ALDH2: variants seen among roughly 807,000 people sequenced by gnomAD.
ALDH2 encodes the protein aldehyde dehydrogenase, mitochondrial.
In ALDH2, 44 loss-of-function variants were observed where a neutral mutation model predicts 59.6. That is an observed-to-expected ratio of 0.74 (90% CI 0.58 to 0.95). The LOEUF is 0.95. Among genes scored for constraint, ALDH2 ranks in the 40% least tolerant of loss-of-function variants. The pLI, the probability that ALDH2 is intolerant of heterozygous loss-of-function variation, is 0.00. For synonymous variants in ALDH2, 291 were observed against 284.0 expected, an observed-to-expected ratio of 1.02 and a Z score of -0.25; for missense variants, 570 against 696.3, an observed-to-expected ratio of 0.82 and a Z score of 2.04.
intron 1 of ALDH2, among the ~76,000 whole-genome samples, chr12:111,767,409 A>G (rs1340721270): frequency 2.6e-5 from 4 of 152,058 alleles, no homozygotes; most frequent in Non-Finnish European, 5.9e-5. Flanking sequence ...GGGTCTCCGC[A>G]GGGTCCCCAC....
At chr12:111,791,268 AG>A (rs1407411997) in intron 6 of ALDH2, 37 bp from the exon 7 acceptor site, 1 of 1,497,312 alleles carries the variant, frequency 6.7e-7, no homozygotes, top group East Asian at 2.3e-5. Context: ...TCAGAATAGG[AG>A]GGTGACTCCC....
intron 5 of ALDH2, among the ~76,000 whole-genome samples, 178 bp downstream of exon 5, chr12:111,790,112 C>A (rs1369533857): frequency 1.3e-5 from 2 of 152,174 alleles, no homozygotes; most frequent in African/African-American, 4.8e-5. Flanking sequence ...AATTCTGTAA[C>A]CTTGGGCAAG....
chr12:111,793,276 G>T (rs1235603221), intron 9 of ALDH2, among the ~76,000 whole-genome samples: 2 of 151,790 alleles, frequency 1.3e-5, no homozygotes, highest in Non-Finnish European at 2.9e-5. Flanking sequence ...CTGGAGTGTA[G>T]TGGTGCAATC....
At chr12:111,769,591 T>C (rs2068184436) in intron 1 of ALDH2, among the ~76,000 whole-genome samples, 1 of 150,826 alleles carries the variant, frequency 6.6e-6, no homozygotes, top group Non-Finnish European at 1.5e-5. Context: ...TTTTTTAACA[T>C]AAATGAGATG....
At chr12:111,799,780 CT>C in intron 10 of ALDH2, 125 bp from the exon 11 acceptor site, 1 of 1,195,390 alleles carries the variant, frequency 8.4e-7, no homozygotes. Context: ...TTGTCTTCCC[CT>C]GGAACTGTTA....
intron 12 of ALDH2, among the ~76,000 whole-genome samples, chr12:111,809,224 C>G (rs548702415): frequency 2.0e-5 from 3 of 152,320 alleles, no homozygotes; most frequent in South Asian, 4.1e-4. Flanking sequence ...GAGGCCCAGA[C>G]AGGCGGAACG....
intron 1 of ALDH2, among the ~76,000 whole-genome samples, chr12:111,768,904 AG>A: frequency 6.6e-6 from 1 of 152,354 alleles, no homozygotes; most frequent in East Asian, 1.9e-4. Flanking sequence ...GGATCACTTG[AG>A]CCTAGGAGTT....
Position 111,792,112 on chromosome 12 carries a change from A to T in ALDH2, c.847A>T (p.Thr283Ser). The T allele has an allele frequency of 6.2e-7, 1 of 1,608,118 alleles. No individual in the cohort carries two copies. ...TGGGAGCAGCAACCTCAAGAGAGTGACCTTGGAGCTGGGGGGGAAGAGCCC... is the reference window on the plus strand; with the variant it reads ...TGGGAGCAGCAACCTCAAGAGAGTGTCCTTGGAGCTGGGGGGGAAGAGCCC... Reference protein sequence around the residue: ...AAGSSNLKRVTLELGGKSPNI... With the variant: ...AAGSSNLKRVSLELGGKSPNI... The change falls in exon 8 of 13, where the codon ACC (threonine) becomes TCC (serine). Residue 283 changes from threonine (T) to serine (S), a missense_variant. Thr to Ser is a moderately conservative substitution (Grantham distance 58). Coordinates refer to ENST00000261733, the MANE Select transcript of ALDH2 (RefSeq NM_000690.4).
At chr12:111,803,191 T>C (rs1005183816) in intron 11 of ALDH2, among the ~76,000 whole-genome samples, 2 of 144,142 alleles carry the variant, frequency 1.4e-5, no homozygotes, top group Non-Finnish European at 3.1e-5. Flanking sequence ...TCTCAAAAAA[T>C]AATCTCAAAA....
chr12:111,772,543 A>G (rs1431147161), intron 1 of ALDH2, among the ~76,000 whole-genome samples: 1 of 151,696 alleles, frequency 6.6e-6, no homozygotes, highest in Non-Finnish European at 1.5e-5. Flanking sequence ...TTGTATTTTT[A>G]GTAGAGTTGG....
intron 9 of ALDH2, among the ~76,000 whole-genome samples, chr12:111,793,048 G>A (rs1045483394): frequency 6.6e-6 from 1 of 152,156 alleles, no homozygotes; most frequent in Non-Finnish European, 1.5e-5. Context: ...AATACCAGGA[G>A]TGTCTGCAAA....
chr12:111,807,669 C>G (rs1228543997), intron 12 of ALDH2, among the ~76,000 whole-genome samples: 6 of 152,116 alleles, frequency 3.9e-5, no homozygotes, highest in African/African-American at 1.4e-4. Context: ...AGCATAGCTT[C>G]TGGAAAAGCT....
rs140912235 is a variant in ALDH2 at position 111,789,498 on chromosome 12, A to T, written c.441-325A>T. On this transcript the variant is annotated intron_variant, in intron 4 of 12. Transcript: ENST00000261733. ...CAGAGCGAGACGCTGTCTCAAAAAA[A>T]AAAAAAGAAAAGAAAAGAAAGAAAA... 3.0e-3 allele frequency among the ~76,000 whole-genome samples: 448 copies of T among 151,852 alleles called. 4 individuals are homozygous for T. In the East Asian group the frequency reaches 0.04, roughly 14 times the overall value.
At chr12:111,809,369 C>T (rs1317691442) in intron 12 of ALDH2, among the ~76,000 whole-genome samples, 174 bp from the exon 13 acceptor site, 1 of 152,022 alleles carries the variant, frequency 6.6e-6, no homozygotes, top group African/African-American at 2.4e-5. Context: ...GTGGGAGGAT[C>T]GCTTGAGCCA....
rs987602524 is a variant in ALDH2 at position 111,785,448 on chromosome 12, G to A, written c.440+102G>A. The stretch of plus-strand genomic sequence containing the variant: ...ATTACAAAAATTCAAAAGGGGCAGA[G>A]CGCGGTATCTCATGCCTATAATCCC... On this transcript the variant is annotated intron_variant, in intron 4 of 12. Transcript: ENST00000261733. 13 of 1,010,320 alleles carry A rather than the reference G, an allele frequency of 1.3e-5. No homozygotes were observed. In the Admixed American group the frequency reaches 1.4e-4, roughly 11 times the overall value. 62.6% of individuals were successfully genotyped at this position (1,010,320 alleles called of 1,614,324 possible). A position where few individuals can be genotyped will look rare whatever the true frequency, so the allele number is the denominator to read the frequency against.
chr12:111,781,837 G>GTTTT, intron 1 of ALDH2, 81 bp from the exon 2 acceptor site: 1 of 886,128 alleles, frequency 1.1e-6, no homozygotes, highest in Non-Finnish European at 1.7e-6. Flanking sequence ...GCTTTTTCTT[G>GTTTT]TTTTTTTTTT....
At position 111,783,383 on chromosome 12, in the gene ALDH2, C is replaced by A. The variant is rs567485403; in HGVS notation, c.360+85C>A. ...TGTGAACAGCCAGGAACCAAGCATC[C>A]TGTGAACAGCCAGGGAACACACATC... On this transcript the variant is annotated intron_variant, in intron 3 of 12. Coordinates refer to ENST00000261733, the MANE Select transcript of ALDH2 (RefSeq NM_000690.4). The A allele has an allele frequency of 9.0e-5, 134 of 1,485,206 alleles. 3 individuals carry two copies. The South Asian group carries it at 1.8e-3, about 20-fold the overall frequency. 92.0% of individuals were successfully genotyped at this position (1,485,206 alleles called of 1,614,324 possible).
At chr12:111,778,763 G>A (rs2068251401) in intron 1 of ALDH2, among the ~76,000 whole-genome samples, 2 of 151,728 alleles carry the variant, frequency 1.3e-5, no homozygotes, top group African/African-American at 4.8e-5. Context: ...GAACCTGGGA[G>A]GTTGGAGTGC....
chr12:111,769,728 G>A (rs1484813921), intron 1 of ALDH2, among the ~76,000 whole-genome samples: 2 of 152,032 alleles, frequency 1.3e-5, no homozygotes, highest in African/African-American at 4.8e-5. Context: ...GTGGCGCCGT[G>A]CTGGAACTGG....
Sources: allele counts gnomAD v4.1 joint callset (sites outside exome capture counted in the v4.1 genomes callset), GRCh38; gene constraint gnomAD v4.1.1; transcripts MANE v1.5; gene names NCBI Gene and HGNC (gene_info 2026-07-23, HGNC 2026-07-21).